Variants in NIM1K observed in about 807,000 individuals in gnomAD.
NIM1K encodes the protein NIM1 serine/threonine protein kinase, also known as serine/threonine-protein kinase NIM1.
NIM1K carries 35 observed loss-of-function variants against 37.1 expected under a neutral mutation model. The ratio of observed to expected loss-of-function variants is 0.94; its 90% CI spans 0.72 to 1.25. The LOEUF is 1.25. Among genes scored for constraint, NIM1K ranks in the 50% most tolerant of loss-of-function variants. The pLI, the probability that NIM1K is intolerant of heterozygous loss-of-function variation, is 0.00. For synonymous variants in NIM1K, 234 were observed against 206.6 expected, an observed-to-expected ratio of 1.13 and a Z score of -1.14; for missense variants, 564 against 548.0, an observed-to-expected ratio of 1.03 and a Z score of -0.29.
chr5:43,201,196 T>C (rs1341316905), intron 1 of NIM1K, among the ~76,000 whole-genome samples: 1 of 150,492 alleles, frequency 6.6e-6, no homozygotes, highest in Non-Finnish European at 1.5e-5. Context: ...GATCATAAGG[T>C]CATGAGATCG....
chr5:43,229,221 C>T (rs1206704073), intron 1 of NIM1K, among the ~76,000 whole-genome samples: 1 of 151,878 alleles, frequency 6.6e-6, no homozygotes, highest in African/African-American at 2.4e-5. Flanking sequence ...CCCGTCTCTA[C>T]TAAAAATACA....
intron 1 of NIM1K, among the ~76,000 whole-genome samples, chr5:43,204,620 A>G (rs1752081981): frequency 6.6e-6 from 1 of 151,292 alleles, no homozygotes. Context: ...AACAAGAATC[A>G]GTTGAACCCA....
At position 43,242,473 on chromosome 5, in the gene NIM1K, C is replaced by T. The variant is rs966214321; in HGVS notation, c.-694-2609C>T. ...GCAGGGATGGGGGAGACTTGCATTT[C>T]GAAGCAGTTCTGTCACAGTTCTCAG... On this transcript the variant is annotated intron_variant, in intron 1 of 3. Transcript: ENST00000326035. 7.3e-5 allele frequency among the ~76,000 whole-genome samples: 11 copies of T among 151,718 alleles called. 1 individual carries two copies. Among genetic ancestry groups the T allele is most frequent in the African/African-American group, 1.2e-4 (5 of 41,134 alleles).
intron 1 of NIM1K, among the ~76,000 whole-genome samples, chr5:43,208,163 C>T (rs923414388): frequency 2.6e-5 from 4 of 151,882 alleles, no homozygotes; most frequent in African/African-American, 7.3e-5. Flanking sequence ...GAATGAACAT[C>T]GTTGTTTTGT....
At chr5:43,238,680 T>C (rs1289753581) in intron 1 of NIM1K, among the ~76,000 whole-genome samples, 1 of 151,902 alleles carries the variant, frequency 6.6e-6, no homozygotes, top group African/African-American at 2.4e-5. Flanking sequence ...TGGAGGATTG[T>C]GCGGTAGATG....
intron 1 of NIM1K, among the ~76,000 whole-genome samples, chr5:43,217,423 T>C (rs1339724517): frequency 1.4e-5 from 2 of 147,412 alleles, no homozygotes; most frequent in East Asian, 3.9e-4. Flanking sequence ...ATAAAGCTGC[T>C]GTGAGCACTC....
chr5:43,205,818 T>C (rs1752101919), intron 1 of NIM1K, among the ~76,000 whole-genome samples: 1 of 152,246 alleles, frequency 6.6e-6, no homozygotes, highest in South Asian at 2.1e-4. Flanking sequence ...GTTCACGCCA[T>C]TCTCCTGCCT....
At chr5:43,205,442 T>TA (rs1752094117) in intron 1 of NIM1K, among the ~76,000 whole-genome samples, 1 of 152,234 alleles carries the variant, frequency 6.6e-6, no homozygotes, top group Non-Finnish European at 1.5e-5. Flanking sequence ...AACACTACTC[T>TA]AACACCAACT....
intron 1 of NIM1K, among the ~76,000 whole-genome samples, chr5:43,218,914 A>G (rs1752345115): frequency 6.6e-6 from 1 of 152,014 alleles, no homozygotes; most frequent in African/African-American, 2.4e-5. Context: ...CTCATCTTGA[A>G]TTGTAGTTTC....
chr5:43,231,888 G>T, intron 1 of NIM1K: 1 of 1,106,126 alleles, frequency 9.0e-7, no homozygotes, highest in Non-Finnish European at 1.3e-6. Flanking sequence ...CTTCTCAAGG[G>T]CAGTCATGTC....
At chr5:43,224,480 A>T (rs74442509) in intron 1 of NIM1K, among the ~76,000 whole-genome samples, 27 of 152,008 alleles carry the variant, frequency 1.8e-4, no homozygotes, top group Non-Finnish European at 3.5e-4. Flanking sequence ...CTGTGGAACT[A>T]TAAGGTCTGT....
At chr5:43,267,982 G>T (rs1753194110) in intron 2 of NIM1K, among the ~76,000 whole-genome samples, 3 of 152,130 alleles carry the variant, frequency 2.0e-5, no homozygotes, top group Non-Finnish European at 2.9e-5. Flanking sequence ...TTAGAGTATT[G>T]TTTAAGTCAT....
rs573735157 is a variant in NIM1K at position 43,280,325 on chromosome 5, C to T, written c.907C>T (p.Arg303Ter). The T allele has an allele frequency of 1.5e-5, 25 of 1,614,022 alleles. No individual in the cohort carries two copies. Among genetic ancestry groups the T allele is most frequent in the Non-Finnish European group, 2.0e-5 (24 of 1,180,042 alleles). Residue 303 changes from arginine (R) to a stop codon, truncating the protein, a stop_gained, in exon 4 of 4, where the codon CGA (arginine) becomes TGA (stop). Coordinates refer to ENST00000326035, the MANE Select transcript of NIM1K (RefSeq NM_153361.4). LOFTEE classifies it high-confidence loss of function. ...GTCAGAGCCCTGCCACCGACTCATC[C>T]GAGGAGTCCTTCAGCAGATCCCCAC... ...HVSEPCHRLI[R>*]GVLQQIPTER...
chr5:43,248,878 T>TAATTA, intron 2 of NIM1K, among the ~76,000 whole-genome samples: 1 of 151,170 alleles, frequency 6.6e-6, no homozygotes, highest in Non-Finnish European at 1.5e-5. Context: ...TAATTTTAAT[T>TAATTA]AATTAATTAT....
rs902097116 is a variant in NIM1K, at chr5:43,207,601, A to G, written c.-695+15190A>G. 5 of 662,524 alleles carry G rather than the reference A, an allele frequency of 7.5e-6. No homozygotes were observed. In the African/African-American group the frequency reaches 8.9e-5, roughly 12 times the overall value. 41.0% of individuals were successfully genotyped at this position (662,524 alleles called of 1,614,324 possible). A position where few individuals can be genotyped will look rare whatever the true frequency, so the allele number is the denominator to read the frequency against. On this transcript the variant is annotated intron_variant, in intron 1 of 3. Coordinates refer to ENST00000326035, the MANE Select transcript of NIM1K (RefSeq NM_153361.4). ...TGAATCTTGACCTCTCAATGAAAGT[A>G]TTGAAACAGGATGGGAAATACTTTA...
intron 2 of NIM1K, among the ~76,000 whole-genome samples, chr5:43,254,439 T>C (rs1752911402): frequency 6.6e-6 from 1 of 152,238 alleles, no homozygotes; most frequent in African/African-American, 2.4e-5. Context: ...TGGGATGTAG[T>C]GACATCTTGG....
In NIM1K at chr5:43,254,398, G is replaced by C. The variant is rs367572634; in HGVS notation, c.292+8331G>C. Among the ~76,000 whole-genome samples, 3 of 152,202 alleles carry C rather than the reference G, an allele frequency of 2.0e-5. No individual in the cohort carries two copies. The South Asian group carries it at 6.2e-4, about 31-fold the overall frequency. On this transcript the variant is annotated intron_variant, in intron 2 of 3. Coordinates refer to ENST00000326035, the MANE Select transcript of NIM1K (RefSeq NM_153361.4). ...TTTCTTGGAGCCCAAGAGAAAGTAT[G>C]ATACATAAAGATTTGAGGCTTAACA...
intron 1 of NIM1K, among the ~76,000 whole-genome samples, chr5:43,222,410 C>T (rs1752393145): frequency 6.6e-6 from 1 of 152,088 alleles, no homozygotes; most frequent in Non-Finnish European, 1.5e-5. Flanking sequence ...TTTACTCATT[C>T]ATTCACCCCT....
intron 1 of NIM1K, among the ~76,000 whole-genome samples, chr5:43,217,476 A>AAG (rs1398279437): frequency 1.3e-5 from 2 of 151,756 alleles, no homozygotes; most frequent in African/African-American, 4.8e-5. Flanking sequence ...AAAAAAAAAA[A>AAG]AAAAGTCCTG....
Sources: allele counts gnomAD v4.1 joint callset (sites outside exome capture counted in the v4.1 genomes callset), GRCh38; gene constraint gnomAD v4.1.1; transcripts MANE v1.5; gene names NCBI Gene and HGNC (gene_info 2026-07-23, HGNC 2026-07-21).